Variants in RERE observed in about 807,000 individuals in gnomAD.
The protein encoded by RERE is arginine-glutamic acid dipeptide repeats, also known as arginine-glutamic acid dipeptide repeats protein.
Under a neutral mutation model 146.1 loss-of-function variants are expected in RERE, and 40 were observed. That is an observed-to-expected ratio of 0.27 (90% confidence interval 0.21 to 0.36). The LOEUF is 0.36. Among genes scored for constraint, RERE ranks in the 10% least tolerant of loss-of-function variants. RERE has a pLI of 1.00. For missense variants in RERE, 1,933 were observed against 2,138.7 expected (o/e 0.90, Z 1.90); for synonymous variants, 1,003 against 866.0 (o/e 1.16, Z -2.78).
intron 1 of RERE, among the ~76,000 whole-genome samples, chr1:8,739,639 T>C (rs1275291200): frequency 6.6e-6 from 1 of 152,060 alleles, no homozygotes; most frequent in Non-Finnish European, 1.5e-5. Context: ...ATGAAGGACA[T>C]ACTTCGAGGT....
intron 7 of RERE, among the ~76,000 whole-genome samples, chr1:8,528,444 T>A (rs1479236505): frequency 6.6e-6 from 1 of 152,212 alleles, no homozygotes; most frequent in Non-Finnish European, 1.5e-5. Flanking sequence ...ATTTTGATAA[T>A]CATACCATAG....
intron 1 of RERE, among the ~76,000 whole-genome samples, chr1:8,669,187 CAACTCGG>C (rs1343405873): frequency 6.8e-6 from 1 of 147,264 alleles, no homozygotes; most frequent in South Asian, 2.1e-4. Flanking sequence ...ATACCCCCCC[CAACTCGG>C]CCTCTCCAGT....
At chr1:8,390,119 T>C (rs1642833319) in intron 12 of RERE, among the ~76,000 whole-genome samples, 1 of 152,066 alleles carries the variant, frequency 6.6e-6, no homozygotes, top group Non-Finnish European at 1.5e-5. Flanking sequence ...ATCCAAGACC[T>C]AGAAACAGTC....
intron 11 of RERE, among the ~76,000 whole-genome samples, chr1:8,424,436 T>C (rs1643978294): frequency 6.6e-6 from 1 of 152,242 alleles, no homozygotes; most frequent in Non-Finnish European, 1.5e-5. Flanking sequence ...CTTTGCGTTT[T>C]TGAATTTCAC....
chr1:8,452,392 C>T (rs759088472), intron 11 of RERE, among the ~76,000 whole-genome samples: 1 of 152,212 alleles, frequency 6.6e-6, no homozygotes, highest in Non-Finnish European at 1.5e-5. Context: ...AGTGGGATGG[C>T]ATGTCACCTG....
intron 10 of RERE, among the ~76,000 whole-genome samples, chr1:8,490,946 G>C (rs187313327): frequency 6.6e-6 from 1 of 150,548 alleles, no homozygotes. Flanking sequence ...CTTTGAAACA[G>C]AGCAGTTTAT....
chr1:8,764,575 G>A (rs1569743738), intron 1 of RERE, among the ~76,000 whole-genome samples: 1 of 152,126 alleles, frequency 6.6e-6, no homozygotes, highest in East Asian at 1.9e-4. Flanking sequence ...CAAACAGCCG[G>A]GGTTCAAGGA....
intron 7 of RERE, among the ~76,000 whole-genome samples, chr1:8,515,600 C>G (rs1320032750): frequency 2.0e-5 from 3 of 152,120 alleles, no homozygotes; most frequent in African/African-American, 7.2e-5. Flanking sequence ...TACTACACCC[C>G]AGCCTGAGTG....
At chr1:8,357,658 G>A (rs1475873978) in intron 20 of RERE, among the ~76,000 whole-genome samples, 1 of 152,220 alleles carries the variant, frequency 6.6e-6, no homozygotes, top group Non-Finnish European at 1.5e-5. Context: ...CTCCACAGCT[G>A]GTCAATGAGT....
At chr1:8,516,073 C>T (rs925110046) in intron 7 of RERE, among the ~76,000 whole-genome samples, 1 of 151,040 alleles carries the variant, frequency 6.6e-6, no homozygotes, top group Non-Finnish European at 1.5e-5. Flanking sequence ...ATTAGCCAAG[C>T]GTGGTAGTGG....
At chr1:8,388,372 T>G (rs572142080) in intron 12 of RERE, among the ~76,000 whole-genome samples, 2 of 151,410 alleles carry the variant, frequency 1.3e-5, no homozygotes, top group African/African-American at 4.9e-5. Context: ...GACTGCGGAC[T>G]GCAGTGGCGC....
chr1:8,537,992 A>G (rs1178387230), intron 7 of RERE, among the ~76,000 whole-genome samples: 1 of 152,264 alleles, frequency 6.6e-6, no homozygotes, highest in Non-Finnish European at 1.5e-5. Context: ...AAATCAACGT[A>G]TAACTACTTT....
Position 8,575,543 on chromosome 1 carries a change from A to ATATATATG in RERE, c.523-18021_523-18020insCATATATA, listed in dbSNP as rs1646281384. Among the ~76,000 whole-genome samples the ATATATATG allele has an allele frequency of 6.9e-5, 4 of 57,928 alleles. No individual in the cohort carries two copies. In the South Asian group the frequency reaches 2.2e-3, roughly 32 times the overall value. 38.0% of individuals were successfully genotyped at this position (57,928 alleles called of 152,430 possible). On this transcript the variant is annotated intron_variant, in intron 4 of 22. Coordinates refer to ENST00000400908, the MANE Select transcript of RERE (RefSeq NM_001042681.2). Reference sequence around the variant, plus strand: ...CACACCTGGCTAATTTAATATATATATATATATATATATATATATTTTTTT... The same window carrying ATATATATG: ...CACACCTGGCTAATTTAATATATATATATATATGTATATATATATATATATATTTTTTT...
intron 11 of RERE, among the ~76,000 whole-genome samples, chr1:8,442,078 T>C (rs61165895): frequency 0.015 from 2,240 of 152,114 alleles, 57 homozygotes; most frequent in African/African-American, 0.051. Context: ...AGATGCAACA[T>C]TGGACTGCTT....
chr1:8,776,402 A>C (rs1244412546), intron 1 of RERE, among the ~76,000 whole-genome samples: 1 of 151,658 alleles, frequency 6.6e-6, no homozygotes, highest in Non-Finnish European at 1.5e-5. Context: ...GGTTCAAGCG[A>C]CTCTAGTGCC....
At chr1:8,403,542 T>C (rs1643337195) in intron 12 of RERE, among the ~76,000 whole-genome samples, 1 of 151,804 alleles carries the variant, frequency 6.6e-6, no homozygotes, top group Non-Finnish European at 1.5e-5. Flanking sequence ...ATTTTTGTAT[T>C]TTTAGTAGAG....
intron 11 of RERE, among the ~76,000 whole-genome samples, chr1:8,433,752 G>A (rs568593530): frequency 2.1e-4 from 32 of 151,252 alleles, no homozygotes; most frequent in Admixed American, 1.6e-3. Flanking sequence ...AGTAGAGACG[G>A]GGTTTCACCT....
chr1:8,619,679 A>G (rs1460563056), intron 3 of RERE, among the ~76,000 whole-genome samples: 2 of 152,258 alleles, frequency 1.3e-5, no homozygotes, highest in Non-Finnish European at 2.9e-5. Flanking sequence ...TAGTGTCTCC[A>G]TGACCTTGTT....
chr1:8,550,508 G>A (rs1337289483), intron 6 of RERE, among the ~76,000 whole-genome samples: 1 of 152,186 alleles, frequency 6.6e-6, no homozygotes, highest in Non-Finnish European at 1.5e-5. Flanking sequence ...TACAGAACTT[G>A]CAGGAGCTAA....
Sources: gnomAD v4.1 joint callset for allele counts (sites outside exome capture counted in the v4.1 genomes callset) on GRCh38, gnomAD v4.1.1 for gene constraint, MANE v1.5 for transcripts, NCBI Gene and HGNC (gene_info 2026-07-23, HGNC 2026-07-21) for gene names.